The following NLGN4X variants were observed in gnomAD, a reference collection of about 807,000 sequenced individuals.
NLGN4X encodes neuroligin 4 X-linked.
NLGN4X carries 3 observed loss-of-function variants against 40.3 expected under a neutral mutation model. The ratio of observed to expected loss-of-function variants is 0.07; its 90% CI spans 0.03 to 0.19. NLGN4X has a LOEUF of 0.19. Ranked by LOEUF, NLGN4X falls within the 10% of genes least tolerant of loss-of-function variation. The pLI is 1.00. For synonymous variants in NLGN4X, 270 were observed against 306.8 expected (o/e 0.88, Z 1.25); for missense variants, 382 against 708.3 (o/e 0.54, Z 5.23).
intron 2 of NLGN4X, among the ~76,000 whole-genome samples, chrX:6,043,748 G>C (rs924569329): frequency 8.9e-6 from 1 of 111,881 alleles, no homozygotes; most frequent in Admixed American, 9.5e-5. Context: ...AATTAGTCTA[G>C]ATTTATACAA....
At chrX:5,968,438 C>CCTCTCTCTCT (rs758256758) in intron 3 of NLGN4X, among the ~76,000 whole-genome samples, 9 of 15,087 alleles carry the variant, frequency 6.0e-4, no homozygotes, top group African/African-American at 1.3e-3. Flanking sequence ...TGTAAGTACC[C>CCTCTCTCTCT]CTCTCTCTCT....
At chrX:5,971,115 T>C (rs1386983441) in intron 3 of NLGN4X, among the ~76,000 whole-genome samples, 2 of 112,225 alleles carry the variant, frequency 1.8e-5, no homozygotes, top group Non-Finnish European at 3.8e-5. Context: ...TTATTGGAAA[T>C]ACATTTTCTA....
chrX:6,150,716 C>A, intron 2 of NLGN4X, among the ~76,000 whole-genome samples: 1 of 111,775 alleles, frequency 8.9e-6, no homozygotes, highest in Middle Eastern at 4.6e-3. Flanking sequence ...TATTTATTTT[C>A]ATCTGCAAAT....
intron 1 of NLGN4X, among the ~76,000 whole-genome samples, chrX:6,208,603 C>A (rs1924258397): frequency 8.9e-6 from 1 of 112,027 alleles, no homozygotes; most frequent in Admixed American, 9.5e-5. Flanking sequence ...CAGTGAAATT[C>A]CCCATGTAAA....
At chrX:5,905,932 T>C (rs972047337) in intron 4 of NLGN4X, among the ~76,000 whole-genome samples, 21 of 112,215 alleles carry the variant, frequency 1.9e-4, no homozygotes, top group South Asian at 7.4e-4. Context: ...GCTGGGATGA[T>C]AGACAGGCAG....
At chrX:6,092,094 G>A (rs1261597524) in intron 2 of NLGN4X, among the ~76,000 whole-genome samples, 6 of 104,794 alleles carry the variant, frequency 5.7e-5, no homozygotes, top group Non-Finnish European at 1.2e-4. Context: ...ATCATCAGCA[G>A]GTAACACATC....
intron 3 of NLGN4X, among the ~76,000 whole-genome samples, chrX:5,954,658 C>G (rs2146956965): frequency 9.2e-6 from 1 of 108,951 alleles, no homozygotes; most frequent in African/African-American, 3.3e-5. Context: ...CTCTCTCTCT[C>G]TCTCTCTGTC....
intron 3 of NLGN4X, among the ~76,000 whole-genome samples, chrX:5,931,996 T>C (rs2033561377): frequency 9.0e-6 from 1 of 111,538 alleles, no homozygotes; most frequent in African/African-American, 3.3e-5. Context: ...CTCTTCTCCA[T>C]ACAACTTAGA....
chrX:6,007,968 C>T (rs1015158628), intron 3 of NLGN4X, among the ~76,000 whole-genome samples: 7 of 111,484 alleles, frequency 6.3e-5, no homozygotes, highest in Non-Finnish European at 1.1e-4. Context: ...CTGTGGGGTA[C>T]GATGACATGT....
rs190765083 is a variant in NLGN4X at position 6,021,628 on chromosome X, C to T, written c.625+7652G>A. 3.6e-5 allele frequency among the ~76,000 whole-genome samples: 4 copies of T among 111,303 alleles called. No homozygotes were observed. The East Asian group carries it at 1.1e-3, about 31-fold the overall frequency. Reference sequence around the variant, plus strand: ...AGACCTGTCCACACCTATCAATCTGCAGCCACAACAACCATGGGATTACAG... The same window carrying T: ...AGACCTGTCCACACCTATCAATCTGTAGCCACAACAACCATGGGATTACAG... On this transcript the variant is annotated intron_variant, in intron 3 of 5. Coordinates refer to ENST00000381095, the MANE Select transcript of NLGN4X (RefSeq NM_181332.3).
chrX:5,906,782 G>C (rs1424356723), intron 4 of NLGN4X, among the ~76,000 whole-genome samples: 1 of 111,599 alleles, frequency 9.0e-6, no homozygotes, highest in East Asian at 2.8e-4. Context: ...CCAAAGTGCT[G>C]GGATAACAGC....
At chrX:6,153,759 T>C (rs979756957) in intron 1 of NLGN4X, among the ~76,000 whole-genome samples, 2 of 112,130 alleles carry the variant, frequency 1.8e-5, no homozygotes, top group Admixed American at 1.9e-4. Flanking sequence ...AAACTCAATG[T>C]GAATGAGACT....
intron 1 of NLGN4X, among the ~76,000 whole-genome samples, chrX:6,154,094 C>T (rs182875010): frequency 9.8e-5 from 11 of 111,944 alleles, no homozygotes; most frequent in Admixed American, 3.8e-4. Flanking sequence ...GTGGGGGCGT[C>T]GCCTGTACAA....
intron 2 of NLGN4X, among the ~76,000 whole-genome samples, chrX:6,122,804 A>G (rs72609517): frequency 0.11 from 12,117 of 106,354 alleles, 627 homozygotes; most frequent in African/African-American, 0.21. Context: ...AGGAAGTCAC[A>G]CGAGATACCG....
chrX:6,024,696 A>G (rs73184618), intron 3 of NLGN4X, among the ~76,000 whole-genome samples: 19,866 of 111,022 alleles, frequency 0.18, 1,351 homozygotes, highest in African/African-American at 0.2. Flanking sequence ...GCATGCTAAA[A>G]GACCCTTCCA....
At chrX:5,942,352 A>G (rs1041664869) in intron 3 of NLGN4X, among the ~76,000 whole-genome samples, 3 of 111,842 alleles carry the variant, frequency 2.7e-5, no homozygotes, top group African/African-American at 9.8e-5. Flanking sequence ...CTAATTCTCC[A>G]TAACTATGTG....
chrX:5,947,448 T>C lies in NLGN4X; in HGVS notation c.626-38209A>G, dbSNP rs527695703. Among the ~76,000 whole-genome samples, 17 of 111,851 alleles carry C rather than the reference T, an allele frequency of 1.5e-4. No individual in the cohort carries two copies. In the East Asian group the frequency reaches 2.8e-3, roughly 19 times the overall value. On this transcript the variant is annotated intron_variant, in intron 3 of 5. Transcript: ENST00000381095. ...CAAAATGCACGCAAGGTCAGGAAAT[T>C]TGGGGGGAAAGTGGAGTCAGGTATT...
chrX:6,123,778 T>C (rs1339021962), intron 2 of NLGN4X, among the ~76,000 whole-genome samples: 1 of 96,978 alleles, frequency 1.0e-5, no homozygotes, highest in African/African-American at 3.8e-5. Flanking sequence ...AAGAAAAATA[T>C]AATAATAAGG....
At chrX:5,931,989 T>C in intron 3 of NLGN4X, among the ~76,000 whole-genome samples, 1 of 111,631 alleles carries the variant, frequency 9.0e-6, no homozygotes, top group East Asian at 2.8e-4. Context: ...CCATCTTCTC[T>C]TCTCCATACA....
Sources: gnomAD v4.1 joint callset for allele counts (sites outside exome capture counted in the v4.1 genomes callset) on GRCh38, gnomAD v4.1.1 for gene constraint, MANE v1.5 for transcripts, NCBI Gene and HGNC (gene_info 2026-07-23, HGNC 2026-07-21) for gene names.